The following C7orf78 variants were observed in gnomAD, a reference collection of about 807,000 sequenced individuals.
C7orf78 encodes chromosome 7 open reading frame 78.
At chr7:12,530,537 A>G in the C7orf78 span, 2 of 152,144 alleles carry the variant, frequency 1.3e-5, no homozygotes, top group African/African-American at 2.4e-5. Flanking sequence ...GGAGGAGGGT[A>G]TAATGATCCA....
the C7orf78 span, chr7:12,483,387 T>A: frequency 6.6e-6 from 1 of 152,184 alleles, no homozygotes; most frequent in Non-Finnish European, 1.5e-5. Context: ...CGAGACAGCA[T>A]CAGTTAGATT....
chr7:12,528,614 A>G, the C7orf78 span, among the ~76,000 whole-genome samples: 1 of 152,358 alleles, frequency 6.6e-6, no homozygotes, highest in South Asian at 2.1e-4. Context: ...TATTTTAAGG[A>G]AAACTTAAGG....
chr7:12,487,049 A>G, the C7orf78 span: 1 of 151,936 alleles, frequency 6.6e-6, no homozygotes, highest in Non-Finnish European at 1.5e-5. Context: ...TGCTTCTGTC[A>G]TGTATTTTCT....
At chr7:12,488,411 C>G in the C7orf78 span, among the ~76,000 whole-genome samples, 5 of 151,972 alleles carry the variant, frequency 3.3e-5, no homozygotes, top group Non-Finnish European at 7.4e-5. Context: ...ACAGGAAAAT[C>G]ACAAATGCAA....
the C7orf78 span, among the ~76,000 whole-genome samples, chr7:12,499,104 C>A: frequency 6.6e-6 from 1 of 152,144 alleles, no homozygotes; most frequent in African/African-American, 2.4e-5. Context: ...TGGAAAGGAA[C>A]AACCGGTACC....
the C7orf78 span, among the ~76,000 whole-genome samples, chr7:12,497,266 C>A: frequency 5.2e-4 from 79 of 152,304 alleles, no homozygotes; most frequent in African/African-American, 1.8e-3. Flanking sequence ...AGCTCCCAGC[C>A]TGAGCGACGC....
At chr7:12,494,461 G>GA in the C7orf78 span, among the ~76,000 whole-genome samples, 3 of 152,034 alleles carry the variant, frequency 2.0e-5, no homozygotes, top group African/African-American at 7.2e-5. Flanking sequence ...AGGCTCCTTA[G>GA]AAAAAAGGGA....
the C7orf78 span, among the ~76,000 whole-genome samples, chr7:12,503,778 G>A: frequency 2.1e-4 from 32 of 152,036 alleles, no homozygotes; most frequent in Non-Finnish European, 4.7e-4. Flanking sequence ...ATTGAGTGTA[G>A]GTTTTGATTA....
At chr7:12,536,995 C>G in the C7orf78 span, among the ~76,000 whole-genome samples, 2 of 152,148 alleles carry the variant, frequency 1.3e-5, no homozygotes, top group Non-Finnish European at 2.9e-5. Flanking sequence ...GCACATTTTC[C>G]TCTCTTCTTC....
chr7:12,520,501 G>GT, the C7orf78 span, among the ~76,000 whole-genome samples: 1 of 152,084 alleles, frequency 6.6e-6, no homozygotes, highest in African/African-American at 2.4e-5. Context: ...ATTCAAGAGC[G>GT]TGTTGCTTAA....
the C7orf78 span, among the ~76,000 whole-genome samples, chr7:12,501,046 ACT>A: frequency 6.6e-6 from 1 of 151,180 alleles, no homozygotes; most frequent in Admixed American, 6.6e-5. Context: ...CATGCTAAAA[ACT>A]CTCAATAAAT....
chr7:12,507,026 G>A, the C7orf78 span: 2 of 435,390 alleles, frequency 4.6e-6, no homozygotes, highest in Non-Finnish European at 4.6e-6. Flanking sequence ...GAAAAGGGCC[G>A]GGCGCGGTGT....
chr7:12,513,463 G>T, the C7orf78 span, among the ~76,000 whole-genome samples: 1 of 151,852 alleles, frequency 6.6e-6, no homozygotes, highest in Non-Finnish European at 1.5e-5. Flanking sequence ...ATTTGCATTT[G>T]TATCAAGAAA....
chr7:12,513,673 A>G, the C7orf78 span, among the ~76,000 whole-genome samples: 1 of 152,150 alleles, frequency 6.6e-6, no homozygotes, highest in African/African-American at 2.4e-5. Context: ...CATGTGGCCC[A>G]TTTTGAAGAC....
chr7:12,522,949 C>T, the C7orf78 span: 1 of 398,102 alleles, frequency 2.5e-6, no homozygotes, highest in Middle Eastern at 6.3e-4. Flanking sequence ...ACAAGCTTCA[C>T]CTATTTCCAT....
the C7orf78 span, chr7:12,492,031 T>C: frequency 6.6e-6 from 1 of 152,236 alleles, no homozygotes; most frequent in Non-Finnish European, 1.5e-5. Context: ...GAACTATTTC[T>C]TTCCTTGATT....
chr7:12,533,051 G>A, the C7orf78 span, among the ~76,000 whole-genome samples: 14 of 152,122 alleles, frequency 9.2e-5, no homozygotes, highest in African/African-American at 1.4e-4. Context: ...CAAACATCCC[G>A]CTGTACATAT....
the C7orf78 span, among the ~76,000 whole-genome samples, chr7:12,531,312 A>G: frequency 6.6e-6 from 1 of 152,132 alleles, no homozygotes; most frequent in African/African-American, 2.4e-5. Context: ...TTTCATTGCA[A>G]CCTGTTTCCT....
chr7:12,490,736 T>A, the C7orf78 span, among the ~76,000 whole-genome samples: 1 of 151,766 alleles, frequency 6.6e-6, no homozygotes, highest in African/African-American at 2.4e-5. Flanking sequence ...AAACAAAACA[T>A]CAATAACCAA....
Sources: allele counts gnomAD v4.1 joint callset (sites outside exome capture counted in the v4.1 genomes callset), GRCh38; gene constraint gnomAD v4.1.1; transcripts MANE v1.5; gene names NCBI Gene and HGNC (gene_info 2026-07-23, HGNC 2026-07-21).